Variants in BNC2 observed in about 807,000 individuals in gnomAD.
BNC2 encodes zinc finger protein basonuclin-2.
Under a neutral mutation model 76.3 loss-of-function variants are expected in BNC2, and 20 were observed. The ratio of observed to expected loss-of-function variants is 0.26; its 90% CI spans 0.18 to 0.38. BNC2 has a LOEUF of 0.38. Ranked by LOEUF, BNC2 falls within the 10% of genes least tolerant of loss-of-function variation. The probability of loss-of-function intolerance (pLI) is 1.00; values close to 1 mark genes in which losing one functional copy is unlikely to be tolerated. For synonymous variants in BNC2, 582 were observed against 514.8 expected (o/e 1.13, Z -1.77); for missense variants, 1,382 against 1,399.8 (o/e 0.99, Z 0.20).
At chr9:16,734,899 A>G (rs1824620556) in intron 2 of BNC2, among the ~76,000 whole-genome samples, 1 of 152,166 alleles carries the variant, frequency 6.6e-6, no homozygotes, top group South Asian at 2.1e-4. Flanking sequence ...CCATAACTAA[A>G]TATTATCTAA....
chr9:16,468,810 G>C (rs1368603115), intron 5 of BNC2, among the ~76,000 whole-genome samples: 3 of 152,162 alleles, frequency 2.0e-5, no homozygotes, highest in Admixed American at 6.6e-5. Context: ...GCTAACAGAA[G>C]GCAGAGGAGG....
At chr9:16,580,044 T>TC (rs1168307651) in intron 4 of BNC2, 4 of 398,318 alleles carry the variant, frequency 1.0e-5, no homozygotes, top group African/African-American at 4.1e-5. Context: ...CCAAGTCACT[T>TC]CCTCATTGCC....
chr9:16,655,718 T>G (rs1821911145), intron 3 of BNC2, among the ~76,000 whole-genome samples: 1 of 152,214 alleles, frequency 6.6e-6, no homozygotes, highest in African/African-American at 2.4e-5. Context: ...ATTCACTTAT[T>G]ACAAAGCAAA....
chr9:16,859,466 T>C (rs936237220), intron 1 of BNC2, among the ~76,000 whole-genome samples: 8 of 152,168 alleles, frequency 5.3e-5, no homozygotes, highest in African/African-American at 1.9e-4. Context: ...TACAGATGAA[T>C]GGATAAAGAA....
intron 1 of BNC2, among the ~76,000 whole-genome samples, chr9:16,750,548 A>G (rs1232907219): frequency 6.6e-6 from 1 of 152,236 alleles, no homozygotes; most frequent in African/African-American, 2.4e-5. Context: ...GCATCCCTCC[A>G]GAATGCCTGG....
chr9:16,625,391 C>A (rs1418208902), intron 3 of BNC2, among the ~76,000 whole-genome samples: 2 of 152,158 alleles, frequency 1.3e-5, no homozygotes, highest in Non-Finnish European at 2.9e-5. Flanking sequence ...CCATCCACAC[C>A]CACAGAATAT....
chr9:16,425,423 C>T (rs1820785790), intron 6 of BNC2, among the ~76,000 whole-genome samples: 1 of 152,176 alleles, frequency 6.6e-6, no homozygotes, highest in Non-Finnish European at 1.5e-5. Context: ...CCCCGTATGG[C>T]CCCTAATGTG....
At chr9:16,430,528 A>G (rs1350320841) in intron 6 of BNC2, among the ~76,000 whole-genome samples, 2 of 152,204 alleles carry the variant, frequency 1.3e-5, no homozygotes, top group Non-Finnish European at 2.9e-5. Context: ...GAATGATGGA[A>G]AAAATGGTTG....
At chr9:16,663,381 G>C (rs961911583) in intron 3 of BNC2, among the ~76,000 whole-genome samples, 1 of 152,008 alleles carries the variant, frequency 6.6e-6, no homozygotes, top group Non-Finnish European at 1.5e-5. Flanking sequence ...ACTGGCCTCA[G>C]CCTCCCAAAG....
chr9:16,870,113 G>C (rs1257942313), intron 1 of BNC2, among the ~76,000 whole-genome samples: 1 of 152,132 alleles, frequency 6.6e-6, no homozygotes. Context: ...GACAAGGGGA[G>C]AGGAAGAGTC....
rs555217267 is a variant in BNC2, at chr9:16,531,408, A to C, written c.669+21122T>G. Among the ~76,000 whole-genome samples, 4 of 152,148 alleles carry C rather than the reference A, an allele frequency of 2.6e-5. No individual in the cohort carries two copies. In the South Asian group the frequency reaches 8.3e-4, roughly 32 times the overall value. ...TTTCTGAGGGAATAAGAAAAAAAAA[A>C]ACAAAAAACCAAGCGAGAGAGGGAG... On this transcript the variant is annotated intron_variant, in intron 5 of 6. Coordinates refer to ENST00000380672, the MANE Select transcript of BNC2 (RefSeq NM_017637.6).
chr9:16,708,842 G>A (rs1028618382), intron 3 of BNC2, among the ~76,000 whole-genome samples: 4 of 152,080 alleles, frequency 2.6e-5, no homozygotes, highest in East Asian at 1.9e-4. Flanking sequence ...CTGATTCAGC[G>A]CTTTAACAAA....
rs1430473969 is a variant in BNC2, at chr9:16,436,992, C to T, written c.1202G>A (p.Cys401Tyr). ...TNVEPKTEPA[C>Y]VSPIQNSAPV... ...GGCAGAATTCTGAATGGGAGAGACA[C>T]AGGCTGGCTCGGTTTTGGGCTCCAC... Residue 401 changes from cysteine (C) to tyrosine (Y), a missense_variant, in exon 6 of 7, where the codon TGT becomes TAT. By Grantham distance (194) the Cys-to-Tyr change is radical. Transcript: ENST00000380672. The T allele has an allele frequency of 3.7e-6, 6 of 1,614,110 alleles. No individual in the cohort carries two copies. In the South Asian group the frequency reaches 5.5e-5, roughly 15 times the overall value.
intron 3 of BNC2, among the ~76,000 whole-genome samples, chr9:16,652,347 TG>T (rs1251538435): frequency 2.0e-5 from 3 of 152,154 alleles, no homozygotes; most frequent in Admixed American, 6.5e-5. Flanking sequence ...ATAAAACAAA[TG>T]TTTTTTTTTA....
At chr9:16,676,673 G>T (rs1249893063) in intron 3 of BNC2, among the ~76,000 whole-genome samples, 1 of 152,180 alleles carries the variant, frequency 6.6e-6, no homozygotes, top group Non-Finnish European at 1.5e-5. Flanking sequence ...TGAGACACAG[G>T]AATTCACAAA....
chr9:16,549,511 T>G (rs977164940), intron 5 of BNC2, among the ~76,000 whole-genome samples: 1 of 152,218 alleles, frequency 6.6e-6, no homozygotes, highest in Non-Finnish European at 1.5e-5. Context: ...CATTATGGGG[T>G]TCCACAGCCT....
At chr9:16,477,103 C>G (rs1197932982) in intron 5 of BNC2, among the ~76,000 whole-genome samples, 2 of 152,084 alleles carry the variant, frequency 1.3e-5, no homozygotes, top group African/African-American at 4.8e-5. Context: ...AGACCTCTCC[C>G]TGAAGAACAG....
At chr9:16,628,496 G>A (rs1414555174) in intron 3 of BNC2, among the ~76,000 whole-genome samples, 2 of 152,122 alleles carry the variant, frequency 1.3e-5, no homozygotes, top group African/African-American at 4.8e-5. Flanking sequence ...ATCTTTTGGG[G>A]TTTGCCTTAG....
In BNC2 at chr9:16,520,498, G is replaced by A. The variant is rs117820357; in HGVS notation, c.669+32032C>T. Among the ~76,000 whole-genome samples the A allele has an allele frequency of 6.8e-4, 103 of 152,312 alleles. No individual in the cohort carries two copies. In the East Asian group the frequency reaches 0.019, roughly 29 times the overall value. Reference sequence around the variant, plus strand: ...TCTGCAATATTGCAGGTAGTTGCATGCACAGACATTTTTCACTACCTAAAT... The same window carrying A: ...TCTGCAATATTGCAGGTAGTTGCATACACAGACATTTTTCACTACCTAAAT... On this transcript the variant is annotated intron_variant, in intron 5 of 6. Transcript: ENST00000380672.
Sources: gnomAD v4.1 joint callset for allele counts (sites outside exome capture counted in the v4.1 genomes callset) on GRCh38, gnomAD v4.1.1 for gene constraint, MANE v1.5 for transcripts, NCBI Gene and HGNC (gene_info 2026-07-23, HGNC 2026-07-21) for gene names.